Variants in MGMT observed in about 807,000 individuals in gnomAD.
MGMT encodes the protein methylated-DNA--protein-cysteine methyltransferase.
In MGMT, 14 loss-of-function variants were observed where a neutral mutation model predicts 15.9. The ratio of observed to expected loss-of-function variants is 0.88; its 90% CI spans 0.58 to 1.37. The LOEUF is 1.37. Among genes scored for constraint, MGMT ranks in the 40% most tolerant of loss-of-function variants. MGMT has a pLI of 0.00. For synonymous variants in MGMT, 130 were observed against 118.2 expected (o/e 1.10, Z -0.65); for missense variants, 282 against 268.1 (o/e 1.05, Z -0.36).
intron 2 of MGMT, among the ~76,000 whole-genome samples, chr10:129,604,085 C>T (rs944905617): frequency 3.5e-4 from 53 of 152,026 alleles, no homozygotes; most frequent in African/African-American, 1.3e-3. Flanking sequence ...TGTTTTCTAC[C>T]CCAAGCAGTT....
chr10:129,524,763 T>C (rs1386524305), intron 1 of MGMT, among the ~76,000 whole-genome samples: 2 of 151,924 alleles, frequency 1.3e-5, no homozygotes, highest in Admixed American at 1.3e-4. Flanking sequence ...GGCTTATTTT[T>C]TTATTTTTAG....
At chr10:129,738,466 G>A (rs1478684030) in intron 3 of MGMT, among the ~76,000 whole-genome samples, 2 of 152,238 alleles carry the variant, frequency 1.3e-5, no homozygotes, top group Non-Finnish European at 2.9e-5. Context: ...GCACTCCCTA[G>A]TGAGATGAAT....
chr10:129,559,482 C>T (rs916949729), intron 2 of MGMT, among the ~76,000 whole-genome samples: 1 of 151,916 alleles, frequency 6.6e-6, no homozygotes, highest in African/African-American at 2.4e-5. Flanking sequence ...AGAAGAAACC[C>T]CTGTTCTAGC....
In MGMT at chr10:129,766,856, A is replaced by G; in HGVS notation, c.483A>G (p.Gly161=). 6.2e-7 allele frequency: 1 copy of G among 1,613,772 alleles called. No homozygotes were observed. ...SSGAVGNYSG[G]LAVKEWLLAH... Reference sequence around the variant, plus strand: ...GAGCCGTGGGCAACTACTCCGGAGGACTGGCCGTGAAGGAATGGCTTCTGG... The same window carrying G: ...GAGCCGTGGGCAACTACTCCGGAGGGCTGGCCGTGAAGGAATGGCTTCTGG... The change falls in exon 5 of 5, where the codon GGA becomes GGG. Residue 161 remains glycine, a synonymous_variant. Transcript: ENST00000651593.
At chr10:129,585,975 T>C (rs1846613579) in intron 2 of MGMT, among the ~76,000 whole-genome samples, 1 of 152,230 alleles carries the variant, frequency 6.6e-6, no homozygotes, top group African/African-American at 2.4e-5. Context: ...GTCTATCTGA[T>C]AGATACCAAG....
chr10:129,609,002 C>T (rs1303474588), intron 2 of MGMT, among the ~76,000 whole-genome samples: 1 of 152,256 alleles, frequency 6.6e-6, no homozygotes, highest in East Asian at 1.9e-4. Context: ...CTCATGTCAC[C>T]TGCCGGCGGT....
chr10:129,715,747 G>A (rs559193517), intron 3 of MGMT: 42 of 152,336 alleles, frequency 2.8e-4, no homozygotes, highest in Non-Finnish European at 4.6e-4. Flanking sequence ...GTAAATATTA[G>A]TATAAAATTA....
chr10:129,683,108 C>T (rs1847870735), intron 2 of MGMT, among the ~76,000 whole-genome samples: 1 of 152,238 alleles, frequency 6.6e-6, no homozygotes, highest in African/African-American at 2.4e-5. Flanking sequence ...CTCGGCCTCC[C>T]TAAGTGCCGG....
intron 2 of MGMT, among the ~76,000 whole-genome samples, chr10:129,558,415 A>C (rs1217026875): frequency 6.6e-6 from 1 of 152,182 alleles, no homozygotes; most frequent in Non-Finnish European, 1.5e-5. Context: ...TGCAGAAGTG[A>C]AGAATATCAA....
chr10:129,765,578 G>C (rs1848924402), intron 4 of MGMT, among the ~76,000 whole-genome samples: 1 of 152,220 alleles, frequency 6.6e-6, no homozygotes, highest in Non-Finnish European at 1.5e-5. Flanking sequence ...TGGGGGGCCA[G>C]TGGCATGGCC....
chr10:129,632,589 G>A (rs370105423), intron 2 of MGMT, among the ~76,000 whole-genome samples: 54 of 152,328 alleles, frequency 3.5e-4, no homozygotes, highest in African/African-American at 1.2e-3. Flanking sequence ...TGCTGCGTAC[G>A]TGTCAGGCAC....
rs141723747 is a variant in MGMT, at chr10:129,512,352, G to C, written c.-12-23889G>C. ...AACAAGTGTTTGCTATGCTCATTTT[G>C]TTTATTCTGTTACACGTTAATTTAA... On this transcript the variant is annotated intron_variant, in intron 1 of 4. Transcript: ENST00000651593. 4.6e-3 allele frequency among the ~76,000 whole-genome samples: 704 copies of C among 152,142 alleles called. 7 individuals carry two copies. Among genetic ancestry groups the C allele is most frequent in the African/African-American group, 0.016 (663 of 41,550 alleles).
chr10:129,638,429 C>CAAAAAAAAAAAAAAAAAAAAAAAAAAAAA lies in MGMT; in HGVS notation c.126-69450_126-69449insAAAAAAAAAAAAAAAAAAAAAAAAAAAAA. On this transcript the variant is annotated intron_variant, in intron 2 of 4. Transcript: ENST00000651593. ...GAAGTCCAAGAGAGGACCAAAGAGG[C>CAAAAAAAAAAAAAAAAAAAAAAAAAAAAA]AAAAAAAAAAAAAAAAGAAAAAAAA... is the stretch of plus-strand genomic sequence containing the variant. 1.5e-3 allele frequency among the ~76,000 whole-genome samples: 91 copies of CAAAAAAAAAAAAAAAAAAAAAAAAAAAAA among 61,762 alleles called. 9 individuals are homozygous for CAAAAAAAAAAAAAAAAAAAAAAAAAAAAA. The highest frequency in any genetic ancestry group is 2.0e-3 in the Non-Finnish European group (61 of 30,726). 40.5% of individuals were successfully genotyped at this position (61,762 alleles called of 152,430 possible). A position where few individuals can be genotyped will look rare whatever the true frequency, so the allele number is the denominator to read the frequency against.
chr10:129,611,070 A>G (rs908243250), intron 2 of MGMT, among the ~76,000 whole-genome samples: 3 of 152,226 alleles, frequency 2.0e-5, no homozygotes, highest in African/African-American at 4.8e-5. Context: ...TATGGTGCAC[A>G]GGATGAAAGA....
At chr10:129,749,809 G>T (rs1403563231) in intron 3 of MGMT, among the ~76,000 whole-genome samples, 1 of 152,062 alleles carries the variant, frequency 6.6e-6, no homozygotes, top group East Asian at 1.9e-4. Context: ...TGGATTTTTA[G>T]CCATTCTAAA....
intron 2 of MGMT, among the ~76,000 whole-genome samples, chr10:129,673,055 C>T (rs1307163757): frequency 6.6e-6 from 1 of 152,136 alleles, no homozygotes; most frequent in Non-Finnish European, 1.5e-5. Flanking sequence ...CACTTTTACT[C>T]CTACAAGGTG....
intron 4 of MGMT, among the ~76,000 whole-genome samples, chr10:129,764,914 G>A (rs574122848): frequency 6.6e-6 from 1 of 152,268 alleles, no homozygotes; most frequent in South Asian, 2.1e-4. Flanking sequence ...CTGCCCTCCA[G>A]CTCAGGAGGA....
chr10:129,679,099 T>A (rs1055640066), intron 2 of MGMT, among the ~76,000 whole-genome samples: 2 of 151,978 alleles, frequency 1.3e-5, no homozygotes, highest in African/African-American at 4.8e-5. Flanking sequence ...ATCGTGATAT[T>A]CTTGATAGGA....
intron 1 of MGMT, among the ~76,000 whole-genome samples, chr10:129,527,596 C>T (rs1029907730): frequency 6.7e-6 from 1 of 148,874 alleles, no homozygotes; most frequent in Non-Finnish European, 1.5e-5. Context: ...TTCTTTTCTC[C>T]TGTTCACAGC....
Sources: gnomAD v4.1 joint callset for allele counts (sites outside exome capture counted in the v4.1 genomes callset) on GRCh38, gnomAD v4.1.1 for gene constraint, MANE v1.5 for transcripts, NCBI Gene and HGNC (gene_info 2026-07-23, HGNC 2026-07-21) for gene names.